Variants in SHLD2 observed in about 807,000 individuals in gnomAD.
SHLD2 encodes shieldin complex subunit 2, also known as RINN1-REV7-interacting novel NHEJ regulator 2.
In SHLD2, 30 loss-of-function variants were observed where a neutral mutation model predicts 73.2. That is an observed-to-expected ratio of 0.41 (90% CI 0.31 to 0.56). The LOEUF is 0.56. Ranked by LOEUF, SHLD2 falls within the 20% of genes least tolerant of loss-of-function variation. The pLI, the probability that SHLD2 is intolerant of heterozygous loss-of-function variation, is 0.28. For synonymous variants in SHLD2, 285 were observed against 370.1 expected, an observed-to-expected ratio of 0.77 and a Z score of 2.64; for missense variants, 745 against 1,055.9, an observed-to-expected ratio of 0.71 and a Z score of 4.08.
At chr10:87,153,663 G>A (rs1272652597) in intron 3 of SHLD2, among the ~76,000 whole-genome samples, 1 of 152,060 alleles carries the variant, frequency 6.6e-6, no homozygotes, top group African/African-American at 2.4e-5. Context: ...TTTATTGGGA[G>A]CTTAGTTTGT....
chr10:87,138,391 C>G (rs1418193586), intron 2 of SHLD2, among the ~76,000 whole-genome samples: 2 of 151,582 alleles, frequency 1.3e-5, no homozygotes, highest in African/African-American at 2.4e-5. Flanking sequence ...AAAAAACAAC[C>G]TGTTAACCTA....
chr10:87,190,674 C>G lies in SHLD2; in HGVS notation c.2706C>G (p.Ala902=), dbSNP rs150655640. 263 of 1,611,676 alleles carry G rather than the reference C, an allele frequency of 1.6e-4. No homozygotes were observed. The African/African-American group carries it at 3.2e-3, about 19-fold the overall frequency. The part of the protein sequence containing the change: ...YPDIVKHGAN[A]RL ...ACATTGTAAAGCATGGAGCCAATGC[C>G]CGTCTCTGAGGCCAGAGGAAGAAAT... Residue 902 remains alanine (A), a synonymous_variant, in exon 10 of 10, where the codon GCC becomes GCG. Coordinates refer to ENST00000298786, the MANE Select transcript of SHLD2 (RefSeq NM_001330112.2).
At chr10:87,136,094 C>T (rs1299311165) in intron 2 of SHLD2, among the ~76,000 whole-genome samples, 2 of 151,600 alleles carry the variant, frequency 1.3e-5, no homozygotes, top group Non-Finnish European at 2.9e-5. Context: ...ATTTATTTAT[C>T]CATTCAATTT....
chr10:87,131,525 A>G (rs1365979532), intron 2 of SHLD2, among the ~76,000 whole-genome samples: 1 of 152,206 alleles, frequency 6.6e-6, no homozygotes, highest in Non-Finnish European at 1.5e-5. Context: ...CATCTATGGT[A>G]TAGCATAGAT....
intron 2 of SHLD2, among the ~76,000 whole-genome samples, chr10:87,112,648 G>GATAATA (rs550855604): frequency 6.9e-6 from 1 of 144,764 alleles, no homozygotes; most frequent in Non-Finnish European, 1.5e-5. Context: ...AATAATAAAT[G>GATAATA]ATAATAATAA....
chr10:87,160,764 C>T (rs550010915), intron 4 of SHLD2, among the ~76,000 whole-genome samples: 174 of 152,114 alleles, frequency 1.1e-3, no homozygotes, highest in Non-Finnish European at 1.7e-3. Flanking sequence ...CCAAGGTGGG[C>T]GGATCACTTG....
At chr10:87,123,459 C>A (rs1217346167) in intron 2 of SHLD2, among the ~76,000 whole-genome samples, 1 of 151,758 alleles carries the variant, frequency 6.6e-6, no homozygotes, top group Non-Finnish European at 1.5e-5. Flanking sequence ...GCATGCCTCG[C>A]TAAGTTTTGC....
chr10:87,156,851 A>C (rs1425004514), intron 3 of SHLD2, among the ~76,000 whole-genome samples: 2 of 152,076 alleles, frequency 1.3e-5, no homozygotes, highest in East Asian at 3.9e-4. Context: ...AGTCACCTGA[A>C]CTCATTAATG....
intron 2 of SHLD2, among the ~76,000 whole-genome samples, chr10:87,147,532 G>T (rs949775707): frequency 6.6e-6 from 1 of 151,904 alleles, no homozygotes; most frequent in African/African-American, 2.4e-5. Context: ...AGAACATTTA[G>T]GAGAAAATAT....
chr10:87,151,407 T>C lies in SHLD2; in HGVS notation c.53T>C (p.Leu18Pro). Residue 18 changes from leucine to proline, a missense_variant, in exon 3 of 10, where the codon CTG becomes CCG. Leu to Pro is a moderately conservative substitution (Grantham distance 98). Around this residue, in one of 5 missense-constraint regions of SHLD2, gnomAD observed 280 missense variants for 353.9 expected, o/e 0.79. Transcript: ENST00000298786. ...HIFWGAPIAPLKITVSEDTAS... is the reference protein window; with the variant it reads ...HIFWGAPIAPPKITVSEDTAS... ...TTTTGGGGTGCTCCAATTGCTCCAC[T>C]GAAAATCACAGTATCAGAAGACACA... The C allele has an allele frequency of 3.8e-6, 6 of 1,597,142 alleles. No homozygotes were observed. Among genetic ancestry groups the C allele is most frequent in the Non-Finnish European group, 4.3e-6 (5 of 1,175,044 alleles).
intron 4 of SHLD2, among the ~76,000 whole-genome samples, chr10:87,162,129 G>A (rs1415371445): frequency 3.3e-5 from 5 of 152,108 alleles, no homozygotes; most frequent in African/African-American, 1.2e-4. Context: ...TGGATTAATA[G>A]TCTAAATGTA....
At chr10:87,120,724 G>A (rs7920837) in intron 2 of SHLD2, among the ~76,000 whole-genome samples, 1 of 152,026 alleles carries the variant, frequency 6.6e-6, no homozygotes, top group Non-Finnish European at 1.5e-5. Flanking sequence ...TAATGTTTGC[G>A]AAGTAAACTG....
rs537009107 is a variant in SHLD2 at position 87,170,784 on chromosome 10, A to G, written c.1829-56A>G. On this transcript the variant is annotated intron_variant, in intron 5 of 9. Transcript: ENST00000298786. Reference sequence around the variant, plus strand: ...TATATGTATCATCAGCTATTAAAGTATGGTATCACGTGTGATAGAGTAATG... The same window carrying G: ...TATATGTATCATCAGCTATTAAAGTGTGGTATCACGTGTGATAGAGTAATG... 25 of 1,612,852 alleles carry G rather than the reference A, an allele frequency of 1.6e-5. No homozygotes were observed. In the African/African-American group the frequency reaches 1.9e-4, roughly 12 times the overall value.
chr10:87,176,125 A>G, intron 7 of SHLD2, 30 bp downstream of exon 7: 1 of 1,547,830 alleles, frequency 6.5e-7, no homozygotes, highest in Non-Finnish European at 8.7e-7. Context: ...AAATTCTGCT[A>G]TTTTTATTTC....
intron 4 of SHLD2, among the ~76,000 whole-genome samples, chr10:87,166,406 T>C (rs927495132): frequency 6.6e-6 from 1 of 151,992 alleles, no homozygotes; most frequent in Non-Finnish European, 1.5e-5. Flanking sequence ...TATTTTGTAC[T>C]AATAGTAATA....
chr10:87,148,812 G>T (rs1351827728), intron 2 of SHLD2, among the ~76,000 whole-genome samples: 1 of 151,786 alleles, frequency 6.6e-6, no homozygotes, highest in African/African-American at 2.4e-5. Context: ...CCAAAGATCT[G>T]ACGGAGGAGA....
At chr10:87,181,987 C>T (rs1240881978) in intron 8 of SHLD2, among the ~76,000 whole-genome samples, 5 of 151,844 alleles carry the variant, frequency 3.3e-5, no homozygotes, top group Admixed American at 1.3e-4. Context: ...AGGCTGGTCT[C>T]GAACTCCTGA....
intron 4 of SHLD2, among the ~76,000 whole-genome samples, chr10:87,164,280 T>C (rs192693823): frequency 6.7e-6 from 1 of 148,936 alleles, no homozygotes; most frequent in African/African-American, 2.5e-5. Flanking sequence ...TGAGACAGGG[T>C]CTGGCTCTGT....
chr10:87,161,705 T>C (rs1042212234), intron 4 of SHLD2, among the ~76,000 whole-genome samples: 37 of 152,306 alleles, frequency 2.4e-4, no homozygotes, highest in Non-Finnish European at 4.9e-4. Context: ...TAAGTTAATA[T>C]GTAAATTCAA....
Sources: allele counts gnomAD v4.1 joint callset (sites outside exome capture counted in the v4.1 genomes callset), GRCh38; gene constraint gnomAD v4.1.1; regional missense constraint gnomAD v4.1.1; transcripts MANE v1.5; gene names NCBI Gene and HGNC (gene_info 2026-07-23, HGNC 2026-07-21).